Variants in ARFIP1 observed in about 807,000 individuals in gnomAD.
ARFIP1 encodes ARF interacting protein 1, also known as arfaptin-1.
In ARFIP1, 24 loss-of-function variants were observed where a neutral mutation model predicts 42.5. The ratio of observed to expected loss-of-function variants is 0.57; its 90% confidence interval spans 0.41 to 0.80. The LOEUF is 0.80. ARFIP1 is among the 30% of genes least tolerant of loss of function. The pLI, the probability that ARFIP1 is intolerant of heterozygous loss-of-function variation, is 0.00. For synonymous variants in ARFIP1, 141 were observed against 153.7 expected (o/e 0.92, Z 0.61); for missense variants, 354 against 434.0 (o/e 0.82, Z 1.64).
chr4:152,893,133 G>A (rs1737002583), intron 8 of ARFIP1, among the ~76,000 whole-genome samples: 1 of 152,198 alleles, frequency 6.6e-6, no homozygotes, highest in Non-Finnish European at 1.5e-5. Context: ...ATAAAGCCTA[G>A]CAATGGTGCA....
intron 1 of ARFIP1, among the ~76,000 whole-genome samples, chr4:152,826,572 A>G (rs1034353641): frequency 6.6e-6 from 1 of 152,168 alleles, no homozygotes; most frequent in African/African-American, 2.4e-5. Context: ...CTTCCCTACT[A>G]CGTACTTCAT....
chr4:152,870,714 G>T (rs1277514243), intron 3 of ARFIP1, 39 bp from the exon 4 acceptor site: 1 of 1,439,310 alleles, frequency 6.9e-7, no homozygotes. Context: ...ATGTGGAGGA[G>T]GAAAAGGATT....
intron 2 of ARFIP1, among the ~76,000 whole-genome samples, chr4:152,850,052 G>A (rs778347506): frequency 1.5e-4 from 23 of 152,104 alleles, no homozygotes; most frequent in Non-Finnish European, 2.5e-4. Flanking sequence ...CCAATTTTAC[G>A]CATTTCTGCA....
intron 3 of ARFIP1, among the ~76,000 whole-genome samples, chr4:152,865,695 C>T (rs1187238810): frequency 6.6e-6 from 1 of 152,030 alleles, no homozygotes; most frequent in Non-Finnish European, 1.5e-5. Flanking sequence ...TCATGGCATT[C>T]TTATATCAGG....
At chr4:152,905,235 A>G (rs1738212603) in intron 8 of ARFIP1, among the ~76,000 whole-genome samples, 1 of 152,216 alleles carries the variant, frequency 6.6e-6, no homozygotes, top group African/African-American at 2.4e-5. Flanking sequence ...GTTACATAGT[A>G]GCTGCATGTA....
chr4:152,908,069 TTTTAA>T (rs1007179952), intron 8 of ARFIP1, among the ~76,000 whole-genome samples: 6 of 152,184 alleles, frequency 3.9e-5, no homozygotes, highest in African/African-American at 1.4e-4. Context: ...CACATGTTAG[TTTTAA>T]TTTGAGTTTT....
intron 2 of ARFIP1, among the ~76,000 whole-genome samples, chr4:152,832,080 C>T (rs1340199653): frequency 6.6e-6 from 1 of 152,074 alleles, no homozygotes; most frequent in Non-Finnish European, 1.5e-5. Context: ...CTGCTGTGAC[C>T]ATTCTTGTGC....
intron 1 of ARFIP1, among the ~76,000 whole-genome samples, chr4:152,819,879 T>G (rs191015370): frequency 2.2e-3 from 332 of 152,278 alleles, no homozygotes; most frequent in African/African-American, 7.8e-3. Flanking sequence ...AGGGAGCTCA[T>G]TGCGGGTGCC....
At position 152,785,115 on chromosome 4, in the gene ARFIP1, C is replaced by T. The variant is rs550343657; in HGVS notation, c.-10+4889C>T. ...CAGGCCCTCCTTGGTTCCTTGGAAG[C>T]TGTGGAGTGGGGGAATGGGTCACAA... is the stretch of plus-strand genomic sequence containing the variant. On this transcript the variant is annotated intron_variant, in intron 1 of 8. Coordinates refer to ENST00000353617, the MANE Select transcript of ARFIP1 (RefSeq NM_001025595.3). Among the ~76,000 whole-genome samples the T allele has an allele frequency of 2.6e-5, 4 of 152,310 alleles. No individual in the cohort carries two copies. The East Asian group carries it at 7.7e-4, about 29-fold the overall frequency.
rs1276004183 is a variant in ARFIP1, at chr4:152,815,768, G to A, written c.-9-13857G>A. On this transcript the variant is annotated intron_variant, in intron 1 of 8. Coordinates refer to ENST00000353617, the MANE Select transcript of ARFIP1 (RefSeq NM_001025595.3). ...TTTTTTTTTTTTTTTTTTTTGAGAC[G>A]GAGTCTCGCTCTGTCGCCCAGGCTG... 5.3e-5 allele frequency among the ~76,000 whole-genome samples: 7 copies of A among 131,406 alleles called. No homozygotes were observed. The South Asian group carries it at 9.4e-4, about 18-fold the overall frequency. 86.2% of individuals were successfully genotyped at this position (131,406 alleles called of 152,430 possible).
chr4:152,910,562 G>A lies in ARFIP1; in HGVS notation c.*343G>A, dbSNP rs1040468935. The A allele has an allele frequency of 5.3e-5, 9 of 170,580 alleles. No homozygotes were observed. Among genetic ancestry groups the A allele is most frequent in the Non-Finnish European group, 8.7e-5 (7 of 80,426 alleles). The allele number at this position is 170,580 out of a possible 1,614,324, so 10.6% of individuals were successfully genotyped here. ...GTTTTTGGTCCTGGAAATGAGGGCC[G>A]ATTGTAACTTTTCCAAAGGGAGGTT... On this transcript the variant is annotated 3_prime_UTR_variant, in exon 9 of 9. Coordinates refer to ENST00000353617, the MANE Select transcript of ARFIP1 (RefSeq NM_001025595.3).
intron 2 of ARFIP1, among the ~76,000 whole-genome samples, chr4:152,856,504 T>C (rs1236174184): frequency 6.6e-6 from 1 of 152,200 alleles, no homozygotes. Flanking sequence ...TACATGACAT[T>C]TACATTGTAT....
chr4:152,896,616 A>G (rs936129923), intron 8 of ARFIP1, among the ~76,000 whole-genome samples: 1 of 152,208 alleles, frequency 6.6e-6, no homozygotes, highest in Non-Finnish European at 1.5e-5. Flanking sequence ...TAGAGGGAAC[A>G]GGGTGAATGG....
intron 2 of ARFIP1, among the ~76,000 whole-genome samples, chr4:152,846,741 GTACTT>G (rs1225641327): frequency 2.0e-5 from 3 of 152,038 alleles, no homozygotes; most frequent in Non-Finnish European, 4.4e-5. Context: ...GTTTTCTGAG[GTACTT>G]TACTTATATA....
Position 152,910,123 on chromosome 4 carries a change from T to G in ARFIP1, c.1026T>G (p.Ala342=). The change falls in exon 9 of 9, where the codon GCT becomes GCG. Residue 342 remains alanine, a synonymous_variant. Coordinates refer to ENST00000353617, the MANE Select transcript of ARFIP1 (RefSeq NM_001025595.3). ...ACAATGCCATTGCCGCTTACTTTGC[T>G]GGGAATCAGAAGCAGCTTGAACAGA... ...LFHNAIAAYF[A]GNQKQLEQTL... 1 of 1,614,214 alleles carries G rather than the reference T, an allele frequency of 6.2e-7. No individual in the cohort carries two copies. Among genetic ancestry groups the G allele is most frequent in the Non-Finnish European group, 8.5e-7 (1 of 1,180,020 alleles).
intron 1 of ARFIP1, among the ~76,000 whole-genome samples, chr4:152,824,990 CACAT>C (rs1354299943): frequency 6.6e-6 from 1 of 151,204 alleles, no homozygotes; most frequent in Non-Finnish European, 1.5e-5. Flanking sequence ...CACACACACA[CACAT>C]ACATATACAC....
At chr4:152,821,895 A>C (rs1730399361) in intron 1 of ARFIP1, among the ~76,000 whole-genome samples, 1 of 152,234 alleles carries the variant, frequency 6.6e-6, no homozygotes. Context: ...GGAGAAATAA[A>C]GTCTCAAGAC....
At chr4:152,868,746 C>T (rs28620507) in intron 3 of ARFIP1, among the ~76,000 whole-genome samples, 16,122 of 152,094 alleles carry the variant, frequency 0.11, 891 homozygotes, top group Middle Eastern at 0.16. Flanking sequence ...ATTTTAGAAT[C>T]CCTTATGCCT....
intron 2 of ARFIP1, among the ~76,000 whole-genome samples, chr4:152,856,581 T>C (rs777977081): frequency 8.9e-4 from 136 of 152,316 alleles, no homozygotes; most frequent in Admixed American, 8.5e-4. Flanking sequence ...TAGGCAAATA[T>C]TAGGCATTTT....
Sources: allele counts gnomAD v4.1 joint callset (sites outside exome capture counted in the v4.1 genomes callset), GRCh38; gene constraint gnomAD v4.1.1; transcripts MANE v1.5; gene names NCBI Gene and HGNC (gene_info 2026-07-23, HGNC 2026-07-21).